The following ZNF268 variants were observed in gnomAD, a reference collection of about 807,000 sequenced individuals.
The protein encoded by ZNF268 is zinc finger protein 3.
Under a neutral mutation model 29.3 loss-of-function variants are expected in ZNF268, and 20 were observed. The observed-to-expected ratio is 0.68, with a 90% CI of 0.48 to 0.99. ZNF268 has a LOEUF of 0.99. ZNF268 is among the 50% of genes least tolerant of loss of function. The probability of loss-of-function intolerance (pLI) is 0.00; values close to 1 mark genes in which losing one functional copy is unlikely to be tolerated. For synonymous variants in ZNF268, 429 were observed against 376.9 expected, an observed-to-expected ratio of 1.14 and a Z score of -1.60; for missense variants, 1,240 against 1,121.6, an observed-to-expected ratio of 1.11 and a Z score of -1.51.
chr12:133,190,098 G>A (rs1277707687), intron 3 of ZNF268, among the ~76,000 whole-genome samples: 1 of 152,212 alleles, frequency 6.6e-6, no homozygotes. Context: ...GTGAGCCATG[G>A]CGCCTGGCCC....
rs1223672116 is a variant in ZNF268, at chr12:133,205,144, TAA to T, written c.*642_*643del. On this transcript the variant is annotated 3_prime_UTR_variant, in exon 6 of 6. Coordinates refer to ENST00000536435, the MANE Select transcript of ZNF268 (RefSeq NM_003415.3). ...TAACCTCACCTTAGAAGCTTCATTC[TAA>T]AAAAAAAAAAAAAAAAAAAAAAAAA... 372 of 42,222 alleles carry T rather than the reference TAA, an allele frequency of 8.8e-3. 6 individuals are homozygous for T. Among genetic ancestry groups the T allele is most frequent in the African/African-American group, 0.025 (316 of 12,640 alleles). 2.6% of individuals were successfully genotyped at this position (42,222 alleles called of 1,614,324 possible).
At position 133,204,236 on chromosome 12, in the gene ZNF268, C is replaced by A; in HGVS notation, c.2550C>A (p.Arg850=). ...QCEKSFSGKL[R]LLVHQRMHTR... is the part of the protein sequence containing the mutation. ...AGAAATCCTTCAGTGGGAAATTACG[C>A]CTTCTTGTACACCAGAGAATGCACA... The change falls in exon 6 of 6, where the codon CGC becomes CGA. Residue 850 remains arginine (R), a synonymous_variant. Coordinates refer to ENST00000536435, the MANE Select transcript of ZNF268 (RefSeq NM_003415.3). The A allele has an allele frequency of 1.3e-6, 2 of 1,542,904 alleles. No homozygotes were observed. Among genetic ancestry groups the A allele is most frequent in the Middle Eastern group, 1.7e-4 (1 of 5,986 alleles).
chr12:133,204,519 GACAA>G lies in ZNF268; in HGVS notation c.2837_2840del (p.Lys946IlefsTer8). On this transcript the variant is annotated frameshift_variant, in exon 6 of 6. Coordinates refer to ENST00000536435, the MANE Select transcript of ZNF268 (RefSeq NM_003415.3). LOFTEE classifies it high-confidence loss of function. ...TATGCATCAGAGAACTCATGTAGAT[GACAA>G]ACATTGATAATTTTACGAAACTCTG... The G allele has an allele frequency of 6.7e-7, 1 of 1,498,654 alleles. No homozygotes were observed. The allele number at this position is 1,498,654 out of a possible 1,614,324, so 92.8% of individuals were successfully genotyped here.
chr12:133,190,054 C>T (rs927821640), intron 3 of ZNF268, among the ~76,000 whole-genome samples: 38 of 151,988 alleles, frequency 2.5e-4, no homozygotes, highest in African/African-American at 6.3e-4. Flanking sequence ...GTGATCTGCC[C>T]GCCTCGGCCT....
At position 133,181,576 on chromosome 12, in the gene ZNF268, G is replaced by C. The variant is rs1389534525; in HGVS notation, c.-163G>C. 6 of 167,748 alleles carry C rather than the reference G, an allele frequency of 3.6e-5. No individual in the cohort carries two copies. Among genetic ancestry groups the C allele is most frequent in the Non-Finnish European group, 7.6e-5 (6 of 78,710 alleles). 10.4% of individuals were successfully genotyped at this position (167,748 alleles called of 1,614,324 possible). On this transcript the variant is annotated 5_prime_UTR_variant, in exon 1 of 6. Coordinates refer to ENST00000536435, the MANE Select transcript of ZNF268 (RefSeq NM_003415.3). Reference sequence around the variant, plus strand: ...GCGTTCATCGCCCGTCGTGGTCAACGGGCCAGCCGAGTCTGGAGTGGTTGC... The same window carrying C: ...GCGTTCATCGCCCGTCGTGGTCAACCGGCCAGCCGAGTCTGGAGTGGTTGC...
In ZNF268 at chr12:133,191,482, A is replaced by G. The variant is rs56344961; in HGVS notation, c.235-7A>G. ...ACTTGAAATTGGATGAGCATATTGT[A>G]TTTCAGGGACCTTTGTCATTCATGG... On this transcript the variant is annotated splice_polypyrimidine_tract_variant and splice_region_variant and intron_variant, in intron 3 of 5. Coordinates refer to ENST00000536435, the MANE Select transcript of ZNF268 (RefSeq NM_003415.3). 2,372 of 1,613,964 alleles carry G rather than the reference A, an allele frequency of 1.5e-3. 21 individuals are homozygous for G. In the African/African-American group the frequency reaches 0.023, roughly 16 times the overall value.
chr12:133,189,744 C>T (rs767556604), intron 3 of ZNF268, among the ~76,000 whole-genome samples: 1 of 152,160 alleles, frequency 6.6e-6, no homozygotes. Flanking sequence ...TTGTTTCTTT[C>T]CAATCTGTAT....
In ZNF268 at chr12:133,204,464, GA is replaced by G. The variant is rs767118450; in HGVS notation, c.2781del (p.Ala928ProfsTer16). On this transcript the variant is annotated frameshift_variant, in exon 6 of 6. Transcript: ENST00000536435. LOFTEE classifies it high-confidence loss of function. ...EKPCKCTECGKAFCWKSQLIM... is the reference protein window; with the variant it reads ...EKPCKCTECGXAFCWKSQLIM... ...AGCCTTGTAAGTGCACTGAATGTGG[GA>G]AAGCCTTTTGTTGGAAGTCACAGCT... The G allele has an allele frequency of 1.5e-5, 24 of 1,553,160 alleles. No homozygotes were observed. Among genetic ancestry groups the G allele is most frequent in the Non-Finnish European group, 1.7e-5 (20 of 1,155,116 alleles).
At chr12:133,202,108 G>A (rs1283392645) in intron 5 of ZNF268, 36 bp from the exon 6 acceptor site, 1 of 1,497,596 alleles carries the variant, frequency 6.7e-7, no homozygotes, top group African/African-American at 1.4e-5. Context: ...GCAATCATGT[G>A]ATTTATAACA....
At chr12:133,198,353 G>A (rs1171897043) in intron 5 of ZNF268, among the ~76,000 whole-genome samples, 3 of 149,802 alleles carry the variant, frequency 2.0e-5, no homozygotes, top group Non-Finnish European at 3.0e-5. Flanking sequence ...GTAGATATGC[G>A]GCATTATTTC....
chr12:133,206,768 AATG>A lies in ZNF268; in HGVS notation c.*2244_*2246del, dbSNP rs1213081660. ...CAATCTCAAGATACTTGGGGTGAAG[AATG>A]ATGATTCACAGAAGGGAAGGGACAT... On this transcript the variant is annotated 3_prime_UTR_variant, in exon 6 of 6. Coordinates refer to ENST00000536435, the MANE Select transcript of ZNF268 (RefSeq NM_003415.3). 1.3e-5 allele frequency: 2 copies of A among 152,222 alleles called. No homozygotes were observed. The highest frequency in any genetic ancestry group is 4.8e-5 in the African/African-American group (2 of 41,448). 9.4% of individuals were successfully genotyped at this position (152,222 alleles called of 1,614,324 possible).
chr12:133,195,156 A>C (rs1365239883), intron 5 of ZNF268, among the ~76,000 whole-genome samples: 1 of 152,174 alleles, frequency 6.6e-6, no homozygotes, highest in Non-Finnish European at 1.5e-5. Flanking sequence ...GAAATAAGTT[A>C]CCTGGTGAAC....
intron 3 of ZNF268, 31 bp from the exon 4 acceptor site, chr12:133,191,458 C>G (rs756502720): frequency 1.1e-5 from 18 of 1,612,838 alleles, no homozygotes; most frequent in Non-Finnish European, 8.5e-7. Context: ...AGTAAAATAA[C>G]TTGAAATTGG....
At chr12:133,184,241 ACAGGC>A (rs1956251725) in intron 2 of ZNF268, among the ~76,000 whole-genome samples, 1 of 151,894 alleles carries the variant, frequency 6.6e-6, no homozygotes, top group Non-Finnish European at 1.5e-5. Context: ...AAATAGGACT[ACAGGC>A]GTGTGCCACC....
At chr12:133,195,229 T>C (rs1290942147) in intron 5 of ZNF268, among the ~76,000 whole-genome samples, 1 of 152,174 alleles carries the variant, frequency 6.6e-6, no homozygotes, top group Non-Finnish European at 1.5e-5. Context: ...AAACTCGAGA[T>C]GGTCGTTGGG....
At position 133,202,191 on chromosome 12, in the gene ZNF268, A is replaced by G. The variant is rs141714051; in HGVS notation, c.505A>G (p.Lys169Glu). 5 of 1,603,156 alleles carry G rather than the reference A, an allele frequency of 3.1e-6. No individual in the cohort carries two copies. The East Asian group carries it at 6.7e-5, about 21-fold the overall frequency. Residue 169 changes from lysine (K) to glutamate (E), a missense_variant, in exon 6 of 6, where the codon AAA becomes GAA. This residue lies in a region of ZNF268 where 1,177 missense variants were observed against 1,039.6 expected (regional missense o/e 1.13). Coordinates refer to ENST00000536435, the MANE Select transcript of ZNF268 (RefSeq NM_003415.3). ...DDLMDWHQENKDKLGSTAKSF... is the reference protein window; with the variant it reads ...DDLMDWHQENEDKLGSTAKSF... ...TCTTATGGATTGGCATCAGGAAAAT[A>G]AAGACAAGCTGGGAAGTACGGCAAA...
chr12:133,207,323 GTGAACATAGGTTTAAAAATCCA>G lies in ZNF268; in HGVS notation c.*2795_*2816del, dbSNP rs1566394419. 2 of 151,630 alleles carry G rather than the reference GTGAACATAGGTTTAAAAATCCA, an allele frequency of 1.3e-5. No individual in the cohort carries two copies. Among genetic ancestry groups the G allele is most frequent in the Admixed American group, 6.6e-5 (1 of 15,216 alleles). 9.4% of individuals were successfully genotyped at this position (151,630 alleles called of 1,614,324 possible). A position where few individuals can be genotyped will look rare whatever the true frequency, so the allele number is the denominator to read the frequency against. On this transcript the variant is annotated 3_prime_UTR_variant, in exon 6 of 6. Coordinates refer to ENST00000536435, the MANE Select transcript of ZNF268 (RefSeq NM_003415.3). ...AACATAGGTTTAAAAATCCATATTT[GTGAACATAGGTTTAAAAATCCA>G]TATTTGTGAACATAGGTTTAAAAAT...
Position 133,203,406 on chromosome 12 carries a change from C to A in ZNF268, c.1720C>A (p.His574Asn). 6.5e-7 allele frequency: 1 copy of A among 1,545,266 alleles called. No individual in the cohort carries two copies. Among genetic ancestry groups the A allele is most frequent in the Non-Finnish European group, 8.7e-7 (1 of 1,149,904 alleles). ...AFSRKYQLIS[H>N]QRTHAGEKPY... Reference sequence around the variant, plus strand: ...CAGTCGGAAATACCAGCTTATTTCACACCAGAGAACTCATGCAGGAGAGAA... The same window carrying A: ...CAGTCGGAAATACCAGCTTATTTCAAACCAGAGAACTCATGCAGGAGAGAA... The change falls in exon 6 of 6, where the codon CAC becomes AAC. Residue 574 changes from histidine to asparagine, a missense_variant. Physicochemically the swap from His to Asn is moderately conservative, Grantham distance 68. Around this residue, in one of 3 missense-constraint regions of ZNF268, gnomAD observed 1,177 missense variants for 1,039.6 expected, o/e 1.13. Coordinates refer to ENST00000536435, the MANE Select transcript of ZNF268 (RefSeq NM_003415.3).
chr12:133,201,728 A>G (rs1305032037), intron 5 of ZNF268, among the ~76,000 whole-genome samples: 1 of 152,106 alleles, frequency 6.6e-6, no homozygotes, highest in African/African-American at 2.4e-5. Context: ...AGAAGTTAGC[A>G]TAGTGTTTGG....
Sources: gnomAD v4.1 joint callset for allele counts (sites outside exome capture counted in the v4.1 genomes callset) on GRCh38, gnomAD v4.1.1 for gene constraint, gnomAD v4.1.1 regional missense constraint, MANE v1.5 for transcripts, NCBI Gene and HGNC (gene_info 2026-07-23, HGNC 2026-07-21) for gene names.